Variants in TLN2 observed in about 807,000 individuals in gnomAD.
TLN2 encodes talin 2.
Under a neutral mutation model 294.7 loss-of-function variants are expected in TLN2, and 118 were observed. That is an observed-to-expected ratio of 0.40 (90% CI 0.34 to 0.47). The LOEUF is 0.47. TLN2 is among the 20% of genes least tolerant of loss of function. TLN2 has a pLI of 0.84. For synonymous variants in TLN2, 1,431 were observed against 1,304.5 expected (o/e 1.10, Z -2.09); for missense variants, 3,083 against 3,282.2 (o/e 0.94, Z 1.48).
At chr15:62,704,634 A>G (rs1011682392) in intron 19 of TLN2, among the ~76,000 whole-genome samples, 3 of 152,228 alleles carry the variant, frequency 2.0e-5, no homozygotes, top group Admixed American at 1.3e-4. Context: ...CATTCGTGTC[A>G]TGATAGAGGT....
chr15:62,765,570 A>C (rs749839956), intron 40 of TLN2, among the ~76,000 whole-genome samples: 1 of 152,174 alleles, frequency 6.6e-6, no homozygotes, highest in Non-Finnish European at 1.5e-5. Context: ...CTATCAGTGA[A>C]GCTCGTATGA....
intron 3 of TLN2, chr15:62,645,397 AAGGAAT>A (rs1261977788): frequency 1.3e-5 from 2 of 152,226 alleles, no homozygotes; most frequent in Non-Finnish European, 2.9e-5. Flanking sequence ...TTTCTCAACT[AAGGAAT>A]AGTTTCACAA....
At chr15:62,680,076 G>C (rs1016448293) in intron 11 of TLN2, among the ~76,000 whole-genome samples, 1 of 152,134 alleles carries the variant, frequency 6.6e-6, no homozygotes, top group African/African-American at 2.4e-5. Flanking sequence ...ATCAACTTTA[G>C]CTATAAAGTA....
At chr15:62,460,061 C>G (rs11637309) in intron 1 of TLN2, among the ~76,000 whole-genome samples, 7,063 of 152,218 alleles carry the variant, frequency 0.046, 194 homozygotes, top group Non-Finnish European at 0.069. Flanking sequence ...AGATGTCTGC[C>G]GAGGTGCTGC....
At chr15:62,561,172 T>G (rs1057094675) in intron 1 of TLN2, among the ~76,000 whole-genome samples, 2 of 152,212 alleles carry the variant, frequency 1.3e-5, no homozygotes, top group Non-Finnish European at 2.9e-5. Flanking sequence ...TAATAGGACT[T>G]GCACCTAATC....
chr15:62,406,311 C>G (rs1413185354), intron 1 of TLN2, among the ~76,000 whole-genome samples: 1 of 152,166 alleles, frequency 6.6e-6, no homozygotes, highest in Non-Finnish European at 1.5e-5. Context: ...ATTGTTGTCC[C>G]TCTGATGCAG....
intron 24 of TLN2, among the ~76,000 whole-genome samples, chr15:62,719,448 A>G (rs1211783137): frequency 8.0e-6 from 1 of 125,270 alleles, no homozygotes; most frequent in Non-Finnish European, 1.8e-5. Context: ...CTAGGTTTGC[A>G]GTGCCAATGA....
chr15:62,500,058 CA>C (rs1434328511), intron 1 of TLN2, among the ~76,000 whole-genome samples: 1 of 151,998 alleles, frequency 6.6e-6, no homozygotes, highest in African/African-American at 2.4e-5. Context: ...GAATGTAGGC[CA>C]GGCGCAGTGG....
chr15:62,675,356 G>T (rs375157816), intron 11 of TLN2, 35 bp downstream of exon 11: 1 of 1,590,394 alleles, frequency 6.3e-7, no homozygotes, highest in East Asian at 2.2e-5. Context: ...TGTTCACCTT[G>T]GCCCCTTCTT....
intron 1 of TLN2, among the ~76,000 whole-genome samples, chr15:62,403,076 A>G (rs180987029): frequency 6.6e-6 from 1 of 152,292 alleles, no homozygotes; most frequent in African/African-American, 2.4e-5. Flanking sequence ...CGTCTCTACT[A>G]AAAACACAAA....
In TLN2 at chr15:62,771,237, T is replaced by C. The variant is rs1030004211; in HGVS notation, c.5367+103T>C. On this transcript the variant is annotated intron_variant, in intron 42 of 58. Transcript: ENST00000636159. ...AGGAGAAAACACTTCCAGTTCTTGC[T>C]GGTGGCATTTGAGCTCCCACTCTGA... is the stretch of plus-strand genomic sequence containing the variant. The C allele has an allele frequency of 8.4e-6, 11 of 1,302,158 alleles. No homozygotes were observed. The African/African-American group carries it at 1.5e-4, about 17-fold the overall frequency. The allele number at this position is 1,302,158 out of a possible 1,614,324, so 80.7% of individuals were successfully genotyped here. A position where few individuals can be genotyped will look rare whatever the true frequency, so the allele number is the denominator to read the frequency against.
At chr15:62,602,126 G>C (rs1450791437) in intron 2 of TLN2, among the ~76,000 whole-genome samples, 1 of 152,082 alleles carries the variant, frequency 6.6e-6, no homozygotes, top group Non-Finnish European at 1.5e-5. Context: ...CATTATTTCT[G>C]GATACTTACA....
At chr15:62,619,886 G>A (rs1186886572) in intron 3 of TLN2, among the ~76,000 whole-genome samples, 2 of 152,120 alleles carry the variant, frequency 1.3e-5, no homozygotes, top group Non-Finnish European at 2.9e-5. Context: ...TAGCTCTGGG[G>A]TACTAATGTA....
chr15:62,549,773 G>T (rs2042195466), intron 1 of TLN2, among the ~76,000 whole-genome samples: 1 of 152,124 alleles, frequency 6.6e-6, no homozygotes, highest in South Asian at 2.1e-4. Flanking sequence ...TAGGGAATTG[G>T]ATAGGGCAGG....
chr15:62,523,185 G>A (rs1232562698), intron 1 of TLN2, among the ~76,000 whole-genome samples: 1 of 152,186 alleles, frequency 6.6e-6, no homozygotes. Context: ...GAGCCCCGAA[G>A]CCAGCAACAA....
intron 2 of TLN2, among the ~76,000 whole-genome samples, chr15:62,604,971 C>T (rs2047314056): frequency 6.6e-6 from 1 of 152,188 alleles, no homozygotes; most frequent in East Asian, 1.9e-4. Context: ...TTTGTATCAG[C>T]TGTCTTGTAT....
rs533535327 is a variant in TLN2 at position 62,573,355 on chromosome 15, C to T, written c.-237-16332C>T. Among the ~76,000 whole-genome samples the T allele has an allele frequency of 6.0e-4, 92 of 152,236 alleles. 1 individual carries two copies. The highest frequency in any genetic ancestry group is 1.1e-3 in the Non-Finnish European group (77 of 68,018). ...TGTTGTGCCCCCCTCTGCCCTCCCA[C>T]TGGCCCAGCCCTTGGATGCATCATT... On this transcript the variant is annotated intron_variant, in intron 1 of 58. Transcript: ENST00000636159.
rs1486480349 is a variant in TLN2 at position 62,815,237 on chromosome 15, TC to T, written c.6772-4278del. 1.4e-3 allele frequency among the ~76,000 whole-genome samples: 198 copies of T among 145,456 alleles called. 1 individual carries two copies. Among genetic ancestry groups the T allele is most frequent in the African/African-American group, 4.9e-3 (188 of 38,534 alleles). ...CACACACACACACACACACACTCAC[TC>T]GCTCTGCCCTTCACTCTGTTCTTTG... On this transcript the variant is annotated intron_variant, in intron 52 of 58. Transcript: ENST00000636159.
At position 62,505,179 on chromosome 15, in the gene TLN2, G is replaced by A. The variant is rs577216371; in HGVS notation, c.-237-84508G>A. ...TCACCATGTTGGCCAGGCCAGTCTCGAACTCCTGACCTTGTGATCCGCCCA... is the reference window on the plus strand; with the variant it reads ...TCACCATGTTGGCCAGGCCAGTCTCAAACTCCTGACCTTGTGATCCGCCCA... On this transcript the variant is annotated intron_variant, in intron 1 of 58. Transcript: ENST00000636159. 8.6e-4 allele frequency among the ~76,000 whole-genome samples: 131 copies of A among 152,068 alleles called. 1 individual carries two copies. Among genetic ancestry groups the A allele is most frequent in the South Asian group, 4.4e-3 (21 of 4,822 alleles).
Sources: gnomAD v4.1 joint callset for allele counts (sites outside exome capture counted in the v4.1 genomes callset) on GRCh38, gnomAD v4.1.1 for gene constraint, MANE v1.5 for transcripts, NCBI Gene and HGNC (gene_info 2026-07-23, HGNC 2026-07-21) for gene names.